USP24: variants seen among roughly 807,000 people sequenced by gnomAD.
USP24 encodes the protein ubiquitin carboxyl-terminal hydrolase 24.
Under a neutral mutation model 361.6 loss-of-function variants are expected in USP24, and 97 were observed. That is an observed-to-expected ratio of 0.27 (90% CI 0.23 to 0.32). The LOEUF (loss-of-function observed/expected upper bound fraction) is 0.32, where lower values mean the gene tolerates loss of function less well. USP24 is among the 10% of genes least tolerant of loss of function. USP24 has a pLI of 1.00. For synonymous variants in USP24, 1,098 were observed against 1,124.6 expected (o/e 0.98, Z 0.47); for missense variants, 2,353 against 3,165.6 (o/e 0.74, Z 6.16).
At position 55,079,663 on chromosome 1, in the gene USP24, T is replaced by C. The variant is rs1645102728; in HGVS notation, c.7079-4A>G. ...CGTTGCTTAAATATGCCAGGAGCTTTAGGAGACCAAAGAAACAAAACAGAA... is the reference window on the plus strand; with the variant it reads ...CGTTGCTTAAATATGCCAGGAGCTTCAGGAGACCAAAGAAACAAAACAGAA... On this transcript the variant is annotated splice_region_variant and splice_polypyrimidine_tract_variant and intron_variant, in intron 59 of 67. Transcript: ENST00000294383. 1.3e-6 allele frequency: 2 copies of C among 1,538,534 alleles called. No homozygotes were observed. The highest frequency in any genetic ancestry group is 1.4e-5 in the African/African-American group (1 of 69,782).
intron 62 of USP24, among the ~76,000 whole-genome samples, chr1:55,076,171 G>C (rs1018617506): frequency 1.3e-5 from 2 of 152,172 alleles, no homozygotes; most frequent in African/African-American, 2.4e-5. Flanking sequence ...CTAAGGATAA[G>C]AGGTTTATGC....
chr1:55,107,061 C>G (rs1645794668), intron 40 of USP24, among the ~76,000 whole-genome samples, 178 bp downstream of exon 40: 1 of 152,212 alleles, frequency 6.6e-6, no homozygotes, highest in Non-Finnish European at 1.5e-5. Context: ...TTTAATGACA[C>G]AGGTAAAGTA....
intron 54 of USP24, among the ~76,000 whole-genome samples, chr1:55,089,992 G>A (rs1468698599): frequency 3.3e-5 from 5 of 152,116 alleles, no homozygotes; most frequent in Admixed American, 6.5e-5. Context: ...ACAAAAAAGT[G>A]TAAAGAAGCT....
rs1463877069 is a variant in USP24 at position 55,156,982 on chromosome 1, G to A, written c.1412C>T (p.Ser471Leu). ...GIIELLGSKL[S>L]LDELTKIWKI... ...CCAAATTTTAGTGAGTTCATCTAAC[G>A]ACAATTTACTACCCAAGAGTTCAAT... Residue 471 changes from serine to leucine, a missense_variant, in exon 12 of 68, where the codon TCG (serine) becomes TTG (leucine). Physicochemically the swap from Ser to Leu is moderately radical, Grantham distance 145 (BLOSUM62 -2). This residue lies in a region of USP24 where 386 missense variants were observed against 560.5 expected (regional missense o/e 0.69). Coordinates refer to ENST00000294383, the MANE Select transcript of USP24 (RefSeq NM_015306.3). The A allele has an allele frequency of 1.2e-6, 2 of 1,612,676 alleles. No individual in the cohort carries two copies. The highest frequency in any genetic ancestry group is 8.5e-7 in the Non-Finnish European group (1 of 1,179,212).
At chr1:55,069,335 T>C (rs1644872558) in intron 67 of USP24, among the ~76,000 whole-genome samples, 1 of 152,238 alleles carries the variant, frequency 6.6e-6, no homozygotes, top group South Asian at 2.1e-4. Context: ...CCCAGCGACT[T>C]GTCTAAAGTC....
intron 3 of USP24, among the ~76,000 whole-genome samples, chr1:55,172,792 T>C (rs1649583139): frequency 6.6e-6 from 1 of 152,180 alleles, no homozygotes; most frequent in Non-Finnish European, 1.5e-5. Flanking sequence ...TTTTCATAAT[T>C]ACAAGGGTAG....
chr1:55,190,273 G>GTATAACGCGCTGTTGTCTAAA (rs1644252613), intron 1 of USP24, among the ~76,000 whole-genome samples: 1 of 152,038 alleles, frequency 6.6e-6, no homozygotes, highest in African/African-American at 2.4e-5. Flanking sequence ...CTTAAAACTG[G>GTATAACGCGCTGTTGTCTAAA]AAGCAACAGC....
chr1:55,141,542 C>A lies in USP24; in HGVS notation c.2750+74G>T, dbSNP rs79911046. ...ATGAGGAAATCAATAACTGAGAAAC[C>A]TACATAAAAAACACCAATCATTTTA... On this transcript the variant is annotated intron_variant, in intron 24 of 67. Transcript: ENST00000294383. 5 of 1,304,300 alleles carry A rather than the reference C, an allele frequency of 3.8e-6. No individual in the cohort carries two copies. In the African/African-American group the frequency reaches 5.9e-5, roughly 15 times the overall value. 80.8% of individuals were successfully genotyped at this position (1,304,300 alleles called of 1,614,324 possible). A position where few individuals can be genotyped will look rare whatever the true frequency, so the allele number is the denominator to read the frequency against.
chr1:55,214,883 G>C lies in USP24; in HGVS notation c.231C>G (p.Asp77Glu). ...CGCGGGAGGGGCCGCCGCCGCCGCCGTCACCTCCGCCGTCGCCCCGCGGGC... is the reference window on the plus strand; with the variant it reads ...CGCGGGAGGGGCCGCCGCCGCCGCCCTCACCTCCGCCGTCGCCCCGCGGGC... ...GGGPRGDGGG[D>E]GGGGGPSRGG... The change falls in exon 1 of 68, where the codon GAC (aspartate) becomes GAG (glutamate). Residue 77 changes from aspartate (D) to glutamate (E), a missense_variant. Coordinates refer to ENST00000294383, the MANE Select transcript of USP24 (RefSeq NM_015306.3). The C allele has an allele frequency of 1.6e-6, 2 of 1,229,930 alleles. No individual in the cohort carries two copies. Among genetic ancestry groups the C allele is most frequent in the Non-Finnish European group, 2.0e-6 (2 of 980,688 alleles). The allele number at this position is 1,229,930 out of a possible 1,614,324, so 76.2% of individuals were successfully genotyped here.
At chr1:55,173,275 G>T (rs1465897780) in intron 3 of USP24, among the ~76,000 whole-genome samples, 1 of 151,844 alleles carries the variant, frequency 6.6e-6, no homozygotes, top group African/African-American at 2.4e-5. Flanking sequence ...AATTGTTTAA[G>T]CAAATCTAAA....
intron 4 of USP24, 107 bp downstream of exon 4, chr1:55,172,270 C>A: frequency 9.1e-7 from 1 of 1,101,124 alleles, no homozygotes. Context: ...CAGCTAATAT[C>A]CTTAACGATA....
Position 55,162,257 on chromosome 1 carries a change from G to A in USP24, c.935C>T (p.Ser312Leu). 1 of 1,575,212 alleles carries A rather than the reference G, an allele frequency of 6.3e-7. No homozygotes were observed. Among genetic ancestry groups the A allele is most frequent in the Non-Finnish European group, 8.6e-7 (1 of 1,163,892 alleles). The change falls in exon 8 of 68, where the codon TCA becomes TTA. Residue 312 changes from serine to leucine, a missense_variant. Coordinates refer to ENST00000294383, the MANE Select transcript of USP24 (RefSeq NM_015306.3). Reference sequence around the variant, plus strand: ...CACTCCTAAGGGCTGAATCAGTGCTGAGACAGCCTGGAAAAAGACAGTGAA... The same window carrying A: ...CACTCCTAAGGGCTGAATCAGTGCTAAGACAGCCTGGAAAAAGACAGTGAA... The part of the protein sequence containing the change: ...HSEDIELGAV[S>L]ALIQPLGVCA...
chr1:55,111,819 A>G (rs1645962830), intron 38 of USP24, among the ~76,000 whole-genome samples: 1 of 152,136 alleles, frequency 6.6e-6, no homozygotes, highest in African/African-American at 2.4e-5. Flanking sequence ...TTTCTTAGAC[A>G]TCTGGAATGT....
intron 34 of USP24, 79 bp from the exon 35 acceptor site, chr1:55,124,707 TCA>T (rs1208513480): frequency 2.0e-6 from 3 of 1,506,268 alleles, no homozygotes; most frequent in African/African-American, 1.4e-5. Flanking sequence ...CTTACAGGTC[TCA>T]GTTTCATACG....
At chr1:55,110,070 CAATTGT>C (rs1645905625) in intron 39 of USP24, 109 bp downstream of exon 39, 1 of 852,026 alleles carries the variant, frequency 1.2e-6, no homozygotes, top group African/African-American at 1.8e-5. Flanking sequence ...CAACTTCAAA[CAATTGT>C]AATTGTATTT....
chr1:55,177,067 A>G (rs1008393995), intron 2 of USP24, among the ~76,000 whole-genome samples: 1 of 151,528 alleles, frequency 6.6e-6, no homozygotes, highest in Non-Finnish European at 1.5e-5. Flanking sequence ...CTGCAGCCTA[A>G]GCAACCCTGT....
intron 1 of USP24, among the ~76,000 whole-genome samples, chr1:55,213,777 C>G (rs181911435): frequency 6.6e-6 from 1 of 152,186 alleles, no homozygotes; most frequent in Non-Finnish European, 1.5e-5. Flanking sequence ...CCGTTTTCTT[C>G]CCCCACGTTC....
At chr1:55,146,236 G>T in intron 19 of USP24, 127 bp from the exon 20 acceptor site, 3 of 551,862 alleles carry the variant, frequency 5.4e-6, no homozygotes, top group South Asian at 3.6e-5. Context: ...ACCACTCAAA[G>T]CTAAAATGCT....
At chr1:55,081,260 A>G in intron 59 of USP24, 62 bp downstream of exon 59, 2 of 1,478,158 alleles carry the variant, frequency 1.4e-6, no homozygotes, top group South Asian at 1.2e-5. Context: ...ACTTGCTAAT[A>G]TAATTACTCT....
Sources: gnomAD v4.1 joint callset for allele counts (sites outside exome capture counted in the v4.1 genomes callset) on GRCh38, gnomAD v4.1.1 for gene constraint, gnomAD v4.1.1 regional missense constraint, MANE v1.5 for transcripts, NCBI Gene and HGNC (gene_info 2026-07-23, HGNC 2026-07-21) for gene names.